The following INPP5F variants were observed in gnomAD, a reference collection of about 807,000 sequenced individuals.
The protein encoded by INPP5F is inositol polyphosphate-5-phosphatase F.
INPP5F carries 97 observed loss-of-function variants against 137.2 expected under a neutral mutation model. The ratio of observed to expected loss-of-function variants is 0.71; its 90% CI spans 0.60 to 0.84. The LOEUF is 0.84. Among genes scored for constraint, INPP5F ranks in the 40% least tolerant of loss-of-function variants. INPP5F has a pLI of 0.00. For missense variants in INPP5F, 1,271 were observed against 1,371.9 expected, an observed-to-expected ratio of 0.93 and a Z score of 1.16; for synonymous variants, 504 against 476.9, an observed-to-expected ratio of 1.06 and a Z score of -0.74.
intron 2 of INPP5F, among the ~76,000 whole-genome samples, chr10:119,764,898 C>T (rs969001000): frequency 1.3e-5 from 2 of 150,028 alleles, no homozygotes; most frequent in African/African-American, 4.9e-5. Context: ...TTCTTAATAA[C>T]ATTTTCTTTT....
chr10:119,819,304 A>T, intron 15 of INPP5F: 1 of 403,970 alleles, frequency 2.5e-6, no homozygotes, highest in Non-Finnish European at 3.3e-6. Flanking sequence ...CTTCAGTAAA[A>T]TTGGGGGTGG....
Position 119,797,561 on chromosome 10 carries a change from T to C in INPP5F, c.969T>C (p.Phe323=). The C allele has an allele frequency of 6.2e-7, 1 of 1,613,380 alleles. No individual in the cohort carries two copies. The highest frequency in any genetic ancestry group is 8.5e-7 in the Non-Finnish European group (1 of 1,179,646). ...LIHVHNHTLS[F]VQTRGSVPVF... ...ATGTTCATAATCATACCCTGTCATT[T>C]GTTCAAACACGAGGCTCTGTGCCTG... is the stretch of plus-strand genomic sequence containing the variant. The change falls in exon 8 of 20, where the codon TTT becomes TTC. Residue 323 remains phenylalanine (F), a synonymous_variant. Transcript: ENST00000650623.
intron 19 of INPP5F, 29 bp from the exon 20 acceptor site, chr10:119,826,602 A>ATTAACTT: frequency 2.0e-6 from 3 of 1,507,542 alleles, no homozygotes; most frequent in Non-Finnish European, 2.7e-6. Flanking sequence ...TCCATGGGGA[A>ATTAACTT]TTAACTTTTT....
At chr10:119,736,730 G>T (rs996458639) in intron 1 of INPP5F, among the ~76,000 whole-genome samples, 2 of 152,212 alleles carry the variant, frequency 1.3e-5, no homozygotes, top group African/African-American at 4.8e-5. Context: ...TTTGGATATT[G>T]TAGAGTTTAA....
chr10:119,736,946 C>T (rs565680940), intron 1 of INPP5F, among the ~76,000 whole-genome samples: 123 of 152,294 alleles, frequency 8.1e-4, no homozygotes, highest in African/African-American at 2.8e-3. Flanking sequence ...GCCTCAGCCT[C>T]CTGAGTAGCT....
intron 1 of INPP5F, among the ~76,000 whole-genome samples, chr10:119,729,806 G>A (rs1848002998): frequency 6.7e-6 from 1 of 149,768 alleles, no homozygotes; most frequent in Non-Finnish European, 1.5e-5. Flanking sequence ...GCTGATCTTG[G>A]CCTCCTGGGC....
intron 2 of INPP5F, among the ~76,000 whole-genome samples, chr10:119,767,875 TA>T (rs1316697897): frequency 6.6e-6 from 1 of 152,208 alleles, no homozygotes; most frequent in Non-Finnish European, 1.5e-5. Flanking sequence ...AGTATAACCT[TA>T]AAACCAACTA....
intron 1 of INPP5F, among the ~76,000 whole-genome samples, chr10:119,741,747 T>C (rs1472246853): frequency 2.6e-5 from 4 of 151,774 alleles, no homozygotes; most frequent in Non-Finnish European, 4.4e-5. Flanking sequence ...GTTGGCCAGG[T>C]TGGTCTCAAA....
chr10:119,794,537 C>T (rs1044241748), intron 6 of INPP5F, among the ~76,000 whole-genome samples: 68 of 152,054 alleles, frequency 4.5e-4, no homozygotes, highest in African/African-American at 1.5e-3. Context: ...CTGTTGGGTA[C>T]ACCTCCCAGA....
At chr10:119,815,652 T>C (rs535507686) in intron 15 of INPP5F, 23 of 303,718 alleles carry the variant, frequency 7.6e-5, no homozygotes, top group African/African-American at 4.8e-4. Flanking sequence ...AAGGCAGAGA[T>C]GGGCAGGGGA....
chr10:119,768,581 C>T (rs1449650173), intron 2 of INPP5F: 1 of 152,204 alleles, frequency 6.6e-6, no homozygotes, highest in Non-Finnish European at 1.5e-5. Context: ...ATTATGAATT[C>T]TCCTGTGCTA....
intron 2 of INPP5F, among the ~76,000 whole-genome samples, chr10:119,753,923 A>G (rs1375311794): frequency 2.0e-5 from 3 of 152,134 alleles, no homozygotes; most frequent in African/African-American, 4.8e-5. Flanking sequence ...GGATTACTTT[A>G]TTGGGGCAGC....
intron 8 of INPP5F, among the ~76,000 whole-genome samples, chr10:119,797,999 A>G (rs916913925): frequency 6.6e-6 from 1 of 152,102 alleles, no homozygotes; most frequent in Non-Finnish European, 1.5e-5. Flanking sequence ...CCAAAAATCA[A>G]TAAGATGCCT....
rs574451836 is a variant in INPP5F at position 119,748,628 on chromosome 10, G to A, written c.98-2448G>A. ...GGTCATCCAATGAGGAGACCCGAAG[G>A]GGGCAGCTCCCTCCCGCAGCTGGTG... On this transcript the variant is annotated intron_variant, in intron 1 of 19. Coordinates refer to ENST00000650623, the MANE Select transcript of INPP5F (RefSeq NM_014937.4). This position sits in a 1 kb window ranked among gnomAD's most constrained non-coding sequence, Gnocchi z 4.7. Among the ~76,000 whole-genome samples the A allele has an allele frequency of 2.0e-5, 3 of 152,292 alleles. No individual in the cohort carries two copies. Among genetic ancestry groups the A allele is most frequent in the Admixed American group, 6.5e-5 (1 of 15,298 alleles).
chr10:119,804,853 A>G (rs987616674), intron 10 of INPP5F, among the ~76,000 whole-genome samples: 7 of 151,828 alleles, frequency 4.6e-5, no homozygotes, highest in Non-Finnish European at 8.8e-5. Flanking sequence ...CAGCCTCCCG[A>G]GTAGCTGGGA....
intron 3 of INPP5F, among the ~76,000 whole-genome samples, chr10:119,788,296 GGTA>G (rs749649988): frequency 2.0e-5 from 3 of 152,134 alleles, no homozygotes; most frequent in South Asian, 2.1e-4. Context: ...AGTTAGCAAA[GGTA>G]GTAGTAGTTA....
At chr10:119,758,670 A>G (rs2134137345) in intron 2 of INPP5F, among the ~76,000 whole-genome samples, 1 of 152,306 alleles carries the variant, frequency 6.6e-6, no homozygotes, top group East Asian at 1.9e-4. Context: ...TTGAAGAGAA[A>G]ATTGTCAGGA....
At chr10:119,791,839 C>A (rs1850156631) in intron 4 of INPP5F, 30 bp from the exon 5 acceptor site, 1 of 1,515,694 alleles carries the variant, frequency 6.6e-7, no homozygotes, top group Non-Finnish European at 8.9e-7. Context: ...CATTTAATTT[C>A]TGTAGTAATA....
Position 119,804,294 on chromosome 10 carries a change from A to G in INPP5F, c.1238A>G (p.His413Arg). The G allele has an allele frequency of 2.5e-6, 4 of 1,610,328 alleles. No individual in the cohort carries two copies. Among genetic ancestry groups the G allele is most frequent in the Non-Finnish European group, 3.4e-6 (4 of 1,179,112 alleles). The change falls in exon 10 of 20, where the codon CAC becomes CGC. Residue 413 changes from histidine to arginine, a missense_variant. Physicochemically the swap from His to Arg is conservative, Grantham distance 29. Coordinates refer to ENST00000650623, the MANE Select transcript of INPP5F (RefSeq NM_014937.4). ...LTYVSFDFHE[H>R]CRGMKFENVQ... Reference sequence around the variant, plus strand: ...TACGTTTCGTTTGACTTCCATGAGCACTGGTAAGATGGCTTTCGGAGAATA... The same window carrying G: ...TACGTTTCGTTTGACTTCCATGAGCGCTGGTAAGATGGCTTTCGGAGAATA...
Sources: allele counts gnomAD v4.1 joint callset (sites outside exome capture counted in the v4.1 genomes callset), GRCh38; gene constraint gnomAD v4.1.1; non-coding constraint Gnocchi (gnomAD v3.1); transcripts MANE v1.5; gene names NCBI Gene and HGNC (gene_info 2026-07-23, HGNC 2026-07-21).